The following MSRA variants were observed in gnomAD, a reference collection of about 807,000 sequenced individuals.
The protein encoded by MSRA is mitochondrial peptide methionine sulfoxide reductase.
Under a neutral mutation model 31.3 loss-of-function variants are expected in MSRA, and 54 were observed. The observed-to-expected ratio is 1.73, with a 90% CI of 1.39 to 2.17. The LOEUF is 2.17. MSRA is among the 30% of genes most tolerant of loss of function. The probability of loss-of-function intolerance (pLI) is 0.00; values close to 1 mark genes in which losing one functional copy is unlikely to be tolerated. For missense variants in MSRA, 507 were observed against 300.9 expected (o/e 1.69, Z -5.07); for synonymous variants, 169 against 116.5 (o/e 1.45, Z -2.90).
chr8:10,399,008 T>C (rs1406262921), intron 5 of MSRA, among the ~76,000 whole-genome samples: 1 of 152,180 alleles, frequency 6.6e-6, no homozygotes. Flanking sequence ...TGGGTTCGGC[T>C]CAGCAAATCT....
intron 2 of MSRA, among the ~76,000 whole-genome samples, chr8:10,242,195 C>T (rs1037817716): frequency 3.3e-5 from 5 of 151,522 alleles, no homozygotes; most frequent in Middle Eastern, 3.2e-3. Context: ...TGCTTGAACC[C>T]GGGAGGTGGA....
intron 2 of MSRA, among the ~76,000 whole-genome samples, chr8:10,213,998 T>A (rs1175673852): frequency 6.6e-6 from 1 of 152,108 alleles, no homozygotes; most frequent in East Asian, 1.9e-4. Flanking sequence ...TGCAAATTCT[T>A]TGGGTTGTCG....
chr8:10,353,722 A>T (rs1044333672), intron 5 of MSRA: 3 of 451,622 alleles, frequency 6.6e-6, no homozygotes, highest in Middle Eastern at 3.2e-4. Flanking sequence ...GCCCACTGCC[A>T]CCTGTCTACG....
intron 5 of MSRA, among the ~76,000 whole-genome samples, chr8:10,401,102 T>C (rs1046414567): frequency 8.0e-5 from 2 of 25,118 alleles, no homozygotes; most frequent in African/African-American, 9.9e-5. Context: ...CTATCAAGAA[T>C]ATAAAAAAAA....
At chr8:10,102,218 A>G (rs922494255) in intron 1 of MSRA, among the ~76,000 whole-genome samples, 1 of 152,174 alleles carries the variant, frequency 6.6e-6, no homozygotes, top group Admixed American at 6.5e-5. Context: ...TTCTTTGAAT[A>G]CTTCCCCAGG....
chr8:10,309,338 G>C (rs919704402), intron 4 of MSRA, among the ~76,000 whole-genome samples: 2 of 152,274 alleles, frequency 1.3e-5, no homozygotes, highest in Non-Finnish European at 1.5e-5. Flanking sequence ...TGCAGAGCGT[G>C]GCGCCTGGTG....
At chr8:10,088,790 A>G (rs1056492179) in intron 1 of MSRA, among the ~76,000 whole-genome samples, 79 of 152,330 alleles carry the variant, frequency 5.2e-4, no homozygotes, top group Non-Finnish European at 9.8e-4. Context: ...TATGTATACA[A>G]TGGAATACTA....
intron 2 of MSRA, among the ~76,000 whole-genome samples, chr8:10,215,266 G>A (rs572706934): frequency 2.0e-5 from 3 of 152,328 alleles, no homozygotes; most frequent in African/African-American, 7.2e-5. Context: ...AATTCCCAAA[G>A]GTCACTGGAG....
chr8:10,360,121 CG>C (rs1223499042), intron 5 of MSRA, among the ~76,000 whole-genome samples: 1 of 152,202 alleles, frequency 6.6e-6, no homozygotes, highest in Non-Finnish European at 1.5e-5. Context: ...CAGGCCCTTG[CG>C]TGTGCTGCTG....
chr8:10,312,452 A>G (rs1424503536), intron 4 of MSRA, among the ~76,000 whole-genome samples: 2 of 152,248 alleles, frequency 1.3e-5, no homozygotes, highest in African/African-American at 4.8e-5. Flanking sequence ...GAATAAAGAC[A>G]CCACTGGCTT....
At chr8:10,273,162 T>A (rs189273385) in intron 3 of MSRA, among the ~76,000 whole-genome samples, 6 of 152,342 alleles carry the variant, frequency 3.9e-5, no homozygotes, top group Admixed American at 3.9e-4. Context: ...AATTTTGTTT[T>A]AGTCTAAGTT....
At chr8:10,283,129 T>TACACACACACACACACACAC (rs66507479) in intron 3 of MSRA, among the ~76,000 whole-genome samples, 6 of 138,568 alleles carry the variant, frequency 4.3e-5, no homozygotes, top group African/African-American at 1.6e-4. Flanking sequence ...ATATTCACAT[T>TACACACACACACACACACAC]ACACACACAC....
chr8:10,127,464 C>T (rs993057496), intron 1 of MSRA, among the ~76,000 whole-genome samples: 15 of 152,248 alleles, frequency 9.9e-5, no homozygotes, highest in African/African-American at 3.4e-4. Flanking sequence ...TGTAACCATC[C>T]TTGTTTGCAT....
chr8:10,248,279 T>G (rs1797727946), intron 3 of MSRA, among the ~76,000 whole-genome samples: 1 of 152,174 alleles, frequency 6.6e-6, no homozygotes, highest in Admixed American at 6.5e-5. Flanking sequence ...CATAGAGACC[T>G]GGATTGTGTG....
intron 1 of MSRA, among the ~76,000 whole-genome samples, chr8:10,117,526 A>G (rs1800773688): frequency 1.3e-5 from 2 of 152,136 alleles, no homozygotes; most frequent in Non-Finnish European, 2.9e-5. Context: ...ATATACATGT[A>G]AGTTTCTATG....
At chr8:10,368,956 G>C (rs1805322633) in intron 5 of MSRA, among the ~76,000 whole-genome samples, 1 of 152,164 alleles carries the variant, frequency 6.6e-6, no homozygotes, top group South Asian at 2.1e-4. Flanking sequence ...AATTCTTGTG[G>C]TTCTAGGGCA....
rs909583431 is a variant in MSRA at position 10,163,577 on chromosome 8, G to C, written c.143-44256G>C. 2.0e-5 allele frequency among the ~76,000 whole-genome samples: 3 copies of C among 152,232 alleles called. No homozygotes were observed. In the South Asian group the frequency reaches 6.2e-4, roughly 31 times the overall value. ...AAATTCCTGTTTCTGCCCCACGCTG[G>C]AAAGTCAGATAAAGCCAGCACATGT... On this transcript the variant is annotated intron_variant, in intron 1 of 5. Coordinates refer to ENST00000317173, the MANE Select transcript of MSRA (RefSeq NM_012331.5).
chr8:10,376,038 G>T (rs998081864), intron 5 of MSRA, among the ~76,000 whole-genome samples: 9 of 152,122 alleles, frequency 5.9e-5, no homozygotes, highest in Admixed American at 2.0e-4. Context: ...CCTCTGAAGG[G>T]CCTGGGGAAG....
At chr8:10,142,889 C>A (rs1046686680) in intron 1 of MSRA, among the ~76,000 whole-genome samples, 2 of 152,098 alleles carry the variant, frequency 1.3e-5, no homozygotes, top group South Asian at 4.1e-4. Context: ...TACTTTAAAC[C>A]ATGTTTTTAT....
Sources: gnomAD v4.1 joint callset for allele counts (sites outside exome capture counted in the v4.1 genomes callset) on GRCh38, gnomAD v4.1.1 for gene constraint, MANE v1.5 for transcripts, NCBI Gene and HGNC (gene_info 2026-07-23, HGNC 2026-07-21) for gene names.